Variants in PKN2 observed in about 807,000 individuals in gnomAD.
PKN2 encodes the protein protein kinase N2, also known as serine/threonine-protein kinase N2.
Under a neutral mutation model 119.1 loss-of-function variants are expected in PKN2, and 38 were observed. The observed-to-expected ratio is 0.32, with a 90% CI of 0.25 to 0.42. PKN2 has a LOEUF of 0.42. PKN2 is among the 10% of genes least tolerant of loss of function. PKN2 has a pLI of 1.00. For missense variants in PKN2, 850 were observed against 1,165.1 expected (o/e 0.73, Z 3.94); for synonymous variants, 390 against 384.9 (o/e 1.01, Z -0.15).
At chr1:88,715,693 TATTA>T (rs1305783811) in intron 1 of PKN2, among the ~76,000 whole-genome samples, 3 of 152,166 alleles carry the variant, frequency 2.0e-5, no homozygotes, top group African/African-American at 7.2e-5. Flanking sequence ...CTCTTTTCTT[TATTA>T]GTCTTGCTAG....
In PKN2 at chr1:88,807,295, G is replaced by A. The variant is rs1671585003; in HGVS notation, c.1804-18G>A. 2 of 1,464,374 alleles carry A rather than the reference G, an allele frequency of 1.4e-6. No homozygotes were observed. Among genetic ancestry groups the A allele is most frequent in the Non-Finnish European group, 1.9e-6 (2 of 1,076,348 alleles). 90.7% of individuals were successfully genotyped at this position (1,464,374 alleles called of 1,614,324 possible). A position where few individuals can be genotyped will look rare whatever the true frequency, so the allele number is the denominator to read the frequency against. The stretch of plus-strand genomic sequence containing the variant: ...TCTGGGTATTTCTATGGATTCACGT[G>A]TATTTAATATTTTACAGGATTCAGA... On this transcript the variant is annotated intron_variant, in intron 12 of 21. Transcript: ENST00000370521.
At chr1:88,779,874 T>C (rs1002832462) in intron 6 of PKN2, among the ~76,000 whole-genome samples, 4 of 152,352 alleles carry the variant, frequency 2.6e-5, no homozygotes, top group African/African-American at 7.2e-5. Context: ...TGCTTAAATC[T>C]GAGGCAACCT....
intron 1 of PKN2, 140 bp downstream of exon 1, chr1:88,684,768 G>A: frequency 2.9e-6 from 2 of 685,126 alleles, no homozygotes; most frequent in Non-Finnish European, 4.5e-6. Flanking sequence ...TGTCACTCGG[G>A]AAATGCTTCC....
chr1:88,763,975 G>T (rs931606808), intron 3 of PKN2, among the ~76,000 whole-genome samples: 2 of 152,152 alleles, frequency 1.3e-5, no homozygotes, highest in Admixed American at 1.3e-4. Flanking sequence ...GATTCTACAT[G>T]ATTAAATTAT....
chr1:88,746,737 C>T (rs149447927), intron 2 of PKN2, among the ~76,000 whole-genome samples: 323 of 152,226 alleles, frequency 2.1e-3, no homozygotes, highest in Non-Finnish European at 3.3e-3. Flanking sequence ...ATTTTACAAT[C>T]CAGCAATTCC....
chr1:88,795,551 C>A (rs1671027870), intron 8 of PKN2, among the ~76,000 whole-genome samples: 1 of 152,108 alleles, frequency 6.6e-6, no homozygotes, highest in African/African-American at 2.4e-5. Context: ...GAACAAAAAA[C>A]CTTATGTATA....
chr1:88,698,600 C>A (rs1200812180), intron 1 of PKN2, among the ~76,000 whole-genome samples: 3 of 152,088 alleles, frequency 2.0e-5, no homozygotes, highest in African/African-American at 7.2e-5. Context: ...GAAAATAATC[C>A]ATGTGTACAT....
chr1:88,755,626 G>A (rs1020019243), intron 2 of PKN2, among the ~76,000 whole-genome samples: 4 of 152,116 alleles, frequency 2.6e-5, no homozygotes, highest in African/African-American at 7.2e-5. Flanking sequence ...TACATTTTAA[G>A]CATCGACCTG....
At chr1:88,690,896 C>G (rs1666306125) in intron 1 of PKN2, among the ~76,000 whole-genome samples, 1 of 152,104 alleles carries the variant, frequency 6.6e-6, no homozygotes, top group Non-Finnish European at 1.5e-5. Context: ...TAGGATTTAT[C>G]TCTTTTAGAA....
At chr1:88,717,680 G>C (rs1356264975) in intron 1 of PKN2, among the ~76,000 whole-genome samples, 1 of 151,900 alleles carries the variant, frequency 6.6e-6, no homozygotes, top group Non-Finnish European at 1.5e-5. Flanking sequence ...ATTTATTCTA[G>C]TCAGCCATTC....
chr1:88,820,182 ATATATATATATATATATATAT>A lies in PKN2; in HGVS notation c.2280-1758_2280-1738del, dbSNP rs1672193663. On this transcript the variant is annotated intron_variant, in intron 16 of 21. Transcript: ENST00000370521. ...ATCAAACAAATCTTTTCAGAAACCT[ATATATATATATATATATATAT>A]ATATATATATATATATATATATATA... 2.1e-3 allele frequency among the ~76,000 whole-genome samples: 17 copies of A among 8,146 alleles called. 1 individual carries two copies. Among genetic ancestry groups the A allele is most frequent in the African/African-American group, 2.4e-3 (16 of 6,750 alleles). The allele number at this position is 8,146 out of a possible 152,430, so 5.3% of individuals were successfully genotyped here.
chr1:88,742,147 T>A (rs1410434097), intron 2 of PKN2, among the ~76,000 whole-genome samples: 1 of 150,250 alleles, frequency 6.7e-6, no homozygotes, highest in Non-Finnish European at 1.5e-5. Context: ...TAACTGTCAA[T>A]TTTTTTATTT....
At chr1:88,697,675 C>G (rs968086236) in intron 1 of PKN2, among the ~76,000 whole-genome samples, 2 of 152,114 alleles carry the variant, frequency 1.3e-5, no homozygotes, top group African/African-American at 4.8e-5. Flanking sequence ...CTAGGCAATC[C>G]AAGCTGTCAT....
At chr1:88,801,538 G>T (rs1301071710) in intron 8 of PKN2, among the ~76,000 whole-genome samples, 2 of 152,168 alleles carry the variant, frequency 1.3e-5, no homozygotes, top group African/African-American at 4.8e-5. Flanking sequence ...TTTAAAGTGG[G>T]ATTGAACACA....
At chr1:88,815,433 T>C in intron 16 of PKN2, 1 of 355,264 alleles carries the variant, frequency 2.8e-6, no homozygotes, top group Non-Finnish European at 5.4e-6. Flanking sequence ...TTCTGTATTA[T>C]CTTTTTCATA....
chr1:88,765,316 A>G, intron 3 of PKN2, among the ~76,000 whole-genome samples: 1 of 150,938 alleles, frequency 6.6e-6, no homozygotes, highest in East Asian at 1.9e-4. Flanking sequence ...TCCTGTTTAT[A>G]TATTCAGGCA....
At chr1:88,697,594 C>T (rs140343722) in intron 1 of PKN2, among the ~76,000 whole-genome samples, 1 of 152,258 alleles carries the variant, frequency 6.6e-6, no homozygotes, top group East Asian at 1.9e-4. Context: ...TGTACAATTG[C>T]TAGATTCAGA....
intron 1 of PKN2, among the ~76,000 whole-genome samples, chr1:88,713,449 A>G (rs1667322209): frequency 6.6e-6 from 1 of 152,092 alleles, no homozygotes; most frequent in African/African-American, 2.4e-5. Flanking sequence ...TTGTTTCCCT[A>G]CTTTTTAATG....
rs769667209 is a variant in PKN2 at position 88,828,412 on chromosome 1, G to T, written c.2420-69G>T. On this transcript the variant is annotated intron_variant, in intron 18 of 21. Coordinates refer to ENST00000370521, the MANE Select transcript of PKN2 (RefSeq NM_006256.4). ...ACTTTAATTTTGCCTCCCAAAGATA[G>T]CTTTGATTTTTTTTTTATGCTAGAT... The T allele has an allele frequency of 7.2e-6, 10 of 1,394,522 alleles. No individual in the cohort carries two copies. The East Asian group carries it at 2.3e-4, about 32-fold the overall frequency. 86.4% of individuals were successfully genotyped at this position (1,394,522 alleles called of 1,614,324 possible).
Sources: allele counts gnomAD v4.1 joint callset (sites outside exome capture counted in the v4.1 genomes callset), GRCh38; gene constraint gnomAD v4.1.1; transcripts MANE v1.5; gene names NCBI Gene and HGNC (gene_info 2026-07-23, HGNC 2026-07-21).